Variants in FCGR3B observed in about 807,000 individuals in gnomAD.
FCGR3B encodes low affinity immunoglobulin gamma Fc region receptor III-B.
A neutral mutation model predicts 26.7 loss-of-function variants in FCGR3B; 20 were observed. The ratio of observed to expected loss-of-function variants is 0.75; its 90% CI spans 0.53 to 1.09. FCGR3B has a LOEUF of 1.09. Ranked by LOEUF, FCGR3B falls within the 50% of genes least tolerant of loss-of-function variation. The probability of loss-of-function intolerance (pLI) is 0.00; values close to 1 mark genes in which losing one functional copy is unlikely to be tolerated. For synonymous variants in FCGR3B, 79 were observed against 107.0 expected, an observed-to-expected ratio of 0.74 and a Z score of 1.62; for missense variants, 191 against 279.7, an observed-to-expected ratio of 0.68 and a Z score of 2.26.
chr1:161,630,734 T>C (rs1279889843), intron 1 of FCGR3B: 7 of 550,484 alleles, frequency 1.3e-5, no homozygotes, highest in South Asian at 7.3e-5. Flanking sequence ...TTAAAAACCA[T>C]AGAGGAGAAC....
chr1:161,626,310 T>G lies in FCGR3B; in HGVS notation c.412A>C (p.Lys138Gln), dbSNP rs547946059. Residue 138 changes from lysine (K) to glutamine (Q), a missense_variant, in exon 4 of 5, where the codon AAG (lysine) becomes CAG (glutamine). By Grantham distance (53) the Lys-to-Gln change is moderately conservative. This residue lies in a region of FCGR3B where 103 missense variants were observed against 114.5 expected (regional missense o/e 0.90). Coordinates refer to ENST00000650385, the MANE Select transcript of FCGR3B (RefSeq NM_001244753.2). Reference sequence around the variant, plus strand: ...TTGCCATTCTGTAAATATGTGACCTTATGCAGAGCAGTGTTCTTCCAGCTG... The same window carrying G: ...TTGCCATTCTGTAAATATGTGACCTGATGCAGAGCAGTGTTCTTCCAGCTG... ...CHSWKNTALH[K>Q]VTYLQNGKDR... 24 of 1,608,904 alleles carry G rather than the reference T, an allele frequency of 1.5e-5. 1 individual carries two copies. Among genetic ancestry groups the G allele is most frequent in the Non-Finnish European group, 2.0e-5 (24 of 1,177,840 alleles).
In FCGR3B at chr1:161,629,103, G is replaced by A. The variant is rs1336116210; in HGVS notation, c.319+675C>T. ...TGTCTGAGAGCGAGAAGGAGATTGAGGTCCTAACACCAAATTCATTAATTT... is the reference window on the plus strand; with the variant it reads ...TGTCTGAGAGCGAGAAGGAGATTGAAGTCCTAACACCAAATTCATTAATTT... On this transcript the variant is annotated intron_variant, in intron 3 of 4. Transcript: ENST00000650385. Among the ~76,000 whole-genome samples the A allele has an allele frequency of 1.8e-5, 2 of 108,768 alleles. 1 individual carries two copies. Among genetic ancestry groups the A allele is most frequent in the Non-Finnish European group, 3.8e-5 (2 of 52,802 alleles). The allele number at this position is 108,768 out of a possible 152,430, so 71.4% of individuals were successfully genotyped here.
chr1:161,626,106 C>A (rs539692915), intron 4 of FCGR3B, 39 bp downstream of exon 4: 18 of 1,596,188 alleles, frequency 1.1e-5, no homozygotes, highest in Admixed American at 8.5e-5. Flanking sequence ...GTTCCACACA[C>A]AGGCGTCCCT....
In FCGR3B at chr1:161,624,520, T is replaced by C; in HGVS notation, c.697A>G (p.Ile233Val). The C allele has an allele frequency of 2.5e-6, 4 of 1,607,206 alleles. No individual in the cohort carries two copies. The highest frequency in any genetic ancestry group is 3.4e-6 in the Non-Finnish European group (4 of 1,177,012). Residue 233 changes from isoleucine to valine, a missense_variant, in exon 5 of 5, where the codon ATT becomes GTT. This residue lies in a region of FCGR3B where 103 missense variants were observed against 114.5 expected (regional missense o/e 0.90). Coordinates refer to ENST00000650385, the MANE Select transcript of FCGR3B (RefSeq NM_001244753.2). ...TTCCAGTCTCTTGTTGAGCTTCAAA[T>C]GTTTGTCTTCACAGAGAAATATAGT... The part of the protein sequence containing the change: ...TGLYFSVKTN[I>V]
At chr1:161,630,839 G>A (rs1476306635) in intron 1 of FCGR3B, 3 of 1,124,396 alleles carry the variant, frequency 2.7e-6, no homozygotes, top group Non-Finnish European at 3.6e-6. Context: ...GAGGGGTGAA[G>A]TGACTGGCCT....
intron 1 of FCGR3B, 132 bp downstream of exon 1, chr1:161,630,923 T>C (rs2102596724): frequency 1.4e-6 from 2 of 1,457,684 alleles, no homozygotes; most frequent in East Asian, 5.0e-5. Context: ...TCCTGGTAGC[T>C]CAATCCACAG....
Position 161,623,629 on chromosome 1 carries a change from G to A in FCGR3B, c.*886C>T, listed in dbSNP as rs1413140038. The A allele has an allele frequency of 6.7e-6, 1 of 148,416 alleles. No homozygotes were observed. Among genetic ancestry groups the A allele is most frequent in the South Asian group, 2.2e-4 (1 of 4,600 alleles). The allele number at this position is 148,416 out of a possible 1,614,324, so 9.2% of individuals were successfully genotyped here. A position where few individuals can be genotyped will look rare whatever the true frequency, so the allele number is the denominator to read the frequency against. On this transcript the variant is annotated 3_prime_UTR_variant, in exon 5 of 5. Coordinates refer to ENST00000650385, the MANE Select transcript of FCGR3B (RefSeq NM_001244753.2). ...CTTCTGGTTGGTTCTTTCTTCTCAG[G>A]CTTTCTCATTCTGATGCTGAGATAG...
chr1:161,628,402 G>A (rs1679581481), intron 3 of FCGR3B, among the ~76,000 whole-genome samples: 1 of 150,160 alleles, frequency 6.7e-6, no homozygotes. Flanking sequence ...TAATTCTCAT[G>A]GTCACAGTTT....
In FCGR3B at chr1:161,624,467, G is replaced by T. The variant is rs558150467; in HGVS notation, c.*48C>A. On this transcript the variant is annotated 3_prime_UTR_variant, in exon 5 of 5. Coordinates refer to ENST00000650385, the MANE Select transcript of FCGR3B (RefSeq NM_001244753.2). ...GGGATGGGGGTCATGTGTCTTGAGG[G>T]TCCTTTCTCCATTTAAGTTTATGGT... 8 of 1,590,130 alleles carry T rather than the reference G, an allele frequency of 5.0e-6. No homozygotes were observed. In the South Asian group the frequency reaches 6.7e-5, roughly 13 times the overall value.
intron 4 of FCGR3B, 129 bp from the exon 5 acceptor site, chr1:161,624,768 G>A (rs142480337): frequency 0.037 from 33,952 of 912,046 alleles, 1,769 homozygotes; most frequent in Middle Eastern, 0.053. Context: ...ATGGTGGGGA[G>A]GTCTGGGGGA....
At chr1:161,626,468 G>C (rs1679472447) in intron 3 of FCGR3B, 66 bp from the exon 4 acceptor site, 7 of 1,461,154 alleles carry the variant, frequency 4.8e-6, no homozygotes, top group Non-Finnish European at 5.6e-6. Flanking sequence ...TTTGTGAAGG[G>C]GCCACGTACC....
At chr1:161,630,951 G>T in intron 1 of FCGR3B, 104 bp downstream of exon 1, 2 of 1,488,798 alleles carry the variant, frequency 1.3e-6, no homozygotes, top group Admixed American at 2.3e-5. Flanking sequence ...TGTGGTGAGG[G>T]GTCCCATCCC....
chr1:161,628,147 C>A (rs189893602), intron 3 of FCGR3B, among the ~76,000 whole-genome samples: 1 of 149,976 alleles, frequency 6.7e-6, no homozygotes, highest in Non-Finnish European at 1.5e-5. Flanking sequence ...GTGGCATGCA[C>A]CTGTAGTCCC....
rs1046027739 is a variant in FCGR3B at position 161,630,232 on chromosome 1, C to T, written c.61+136G>A. The T allele has an allele frequency of 4.5e-6, 4 of 888,808 alleles. 1 individual carries two copies. The African/African-American group carries it at 7.6e-5, about 17-fold the overall frequency. The allele number at this position is 888,808 out of a possible 1,614,324, so 55.1% of individuals were successfully genotyped here. A position where few individuals can be genotyped will look rare whatever the true frequency, so the allele number is the denominator to read the frequency against. On this transcript the variant is annotated intron_variant, in intron 2 of 4. Transcript: ENST00000650385. Reference sequence around the variant, plus strand: ...GGCCAGAGAAGCACAGGGCCAAGTTCTGCTGTGTTGGAGGAACTATCCCTG... The same window carrying T: ...GGCCAGAGAAGCACAGGGCCAAGTTTTGCTGTGTTGGAGGAACTATCCCTG...
chr1:161,631,250 C>G, upstream of FCGR3B: 1 of 1,528,160 alleles, frequency 6.5e-7, no homozygotes, highest in East Asian at 2.4e-5. Flanking sequence ...TCTGATTTCT[C>G]AATCTGAAGT....
chr1:161,630,555 C>T (rs145831350), intron 1 of FCGR3B, among the ~76,000 whole-genome samples, 167 bp from the exon 2 acceptor site: 75,485 of 138,414 alleles, frequency 0.55, 19,830 homozygotes, highest in Middle Eastern at 0.64. Flanking sequence ...CTCTGGTCTC[C>T]ACTGTTCATG....
At chr1:161,630,234 G>T in intron 2 of FCGR3B, 134 bp downstream of exon 2, 1 of 893,142 alleles carries the variant, frequency 1.1e-6, no homozygotes. Context: ...GCCAAGTTCT[G>T]CTGTGTTGGA....
chr1:161,628,043 G>T lies in FCGR3B; in HGVS notation c.320-1641C>A, dbSNP rs899133237. 1.1e-4 allele frequency among the ~76,000 whole-genome samples: 16 copies of T among 149,992 alleles called. 1 individual carries two copies. Among genetic ancestry groups the T allele is most frequent in the African/African-American group, 3.7e-4 (15 of 40,222 alleles). On this transcript the variant is annotated intron_variant, in intron 3 of 4. Transcript: ENST00000650385. ...AATCCTAGTACTTTGGGAGGCTGAA[G>T]TAGGCAGATCACGAGGTCAGGAGAT... is the stretch of plus-strand genomic sequence containing the variant.
chr1:161,626,756 T>G (rs1279003904), intron 3 of FCGR3B, among the ~76,000 whole-genome samples: 1 of 149,882 alleles, frequency 6.7e-6, no homozygotes, highest in Non-Finnish European at 1.5e-5. Flanking sequence ...TCACAGTAAG[T>G]TCTAGATCAG....
Sources: allele counts gnomAD v4.1 joint callset (sites outside exome capture counted in the v4.1 genomes callset), GRCh38; gene constraint gnomAD v4.1.1; regional missense constraint gnomAD v4.1.1; transcripts MANE v1.5; gene names NCBI Gene and HGNC (gene_info 2026-07-23, HGNC 2026-07-21).